Variants in CDH13 observed in about 807,000 individuals in gnomAD.
CDH13 encodes cadherin-13.
A neutral mutation model predicts 63.8 loss-of-function variants in CDH13; 24 were observed. The observed-to-expected ratio is 0.38, with a 90% confidence interval of 0.27 to 0.53. The LOEUF is 0.53. CDH13 is among the 20% of genes least tolerant of loss of function. The pLI, the probability that CDH13 is intolerant of heterozygous loss-of-function variation, is 0.85. For synonymous variants in CDH13, 503 were observed against 355.3 expected, an observed-to-expected ratio of 1.42 and a Z score of -4.67; for missense variants, 1,049 against 903.1, an observed-to-expected ratio of 1.16 and a Z score of -2.07.
At chr16:82,728,674 G>T (rs747571703) in intron 1 of CDH13, among the ~76,000 whole-genome samples, 4 of 152,074 alleles carry the variant, frequency 2.6e-5, no homozygotes, top group South Asian at 2.1e-4. Context: ...TCAGGGTGGG[G>T]GTTGCTGAAG....
At position 83,653,104 on chromosome 16, in the gene CDH13, C is replaced by T. The variant is rs1044681994; in HGVS notation, c.1102-17686C>T. 4.6e-5 allele frequency among the ~76,000 whole-genome samples: 7 copies of T among 152,188 alleles called. No individual in the cohort carries two copies. In the South Asian group the frequency reaches 1.2e-3, roughly 27 times the overall value. On this transcript the variant is annotated intron_variant, in intron 8 of 13. Transcript: ENST00000567109. ...TATGAAATGTCCAGAACAGGGAGATCTCCGGGGACAGAAAGCCAATTAGTG... is the reference window on the plus strand; with the variant it reads ...TATGAAATGTCCAGAACAGGGAGATTTCCGGGGACAGAAAGCCAATTAGTG...
chr16:82,865,276 C>A (rs571146576), intron 2 of CDH13, among the ~76,000 whole-genome samples: 8 of 152,324 alleles, frequency 5.3e-5, no homozygotes, highest in Admixed American at 3.9e-4. Flanking sequence ...AGGCTGTGCC[C>A]CAGTGGGGAC....
At chr16:83,700,621 G>A (rs569624567) in intron 10 of CDH13, among the ~76,000 whole-genome samples, 3 of 152,282 alleles carry the variant, frequency 2.0e-5, no homozygotes, top group South Asian at 4.1e-4. Flanking sequence ...CAGGTTTTGG[G>A]AATGCAATCC....
In CDH13 at chr16:83,099,511, A is replaced by T. The variant is rs370737047; in HGVS notation, c.367-25874A>T. Among the ~76,000 whole-genome samples the T allele has an allele frequency of 8.8e-4, 133 of 151,716 alleles. 1 individual carries two copies. The highest frequency in any genetic ancestry group is 2.8e-3 in the African/African-American group (118 of 41,420). On this transcript the variant is annotated intron_variant, in intron 3 of 13. Transcript: ENST00000567109. The stretch of plus-strand genomic sequence containing the variant: ...GCTAATTTTTGCATTTTTAGTAGAG[A>T]CAGGGTTTTGCCATGTTGGCCAGGC...
intron 8 of CDH13, among the ~76,000 whole-genome samples, chr16:83,603,135 C>G (rs910787068): frequency 2.0e-5 from 3 of 152,100 alleles, no homozygotes; most frequent in Non-Finnish European, 4.4e-5. Context: ...CCCATTTATT[C>G]CAAGGGAGCG....
At position 83,313,286 on chromosome 16, in the gene CDH13, T is replaced by G. The variant is rs927289274; in HGVS notation, c.637-31576T>G. ...TATTTTGAAAGGTGCATTGGTGACT[T>G]GAAATCCTTGAGAGCAGTTATCTTT... is the stretch of plus-strand genomic sequence containing the variant. On this transcript the variant is annotated intron_variant, in intron 5 of 13. Transcript: ENST00000567109. Among the ~76,000 whole-genome samples, 4 of 152,210 alleles carry G rather than the reference T, an allele frequency of 2.6e-5. No individual in the cohort carries two copies. In the South Asian group the frequency reaches 8.3e-4, roughly 32 times the overall value.
At chr16:82,698,554 C>T (rs549893656) in intron 1 of CDH13, among the ~76,000 whole-genome samples, 50 of 152,316 alleles carry the variant, frequency 3.3e-4, no homozygotes, top group Admixed American at 4.6e-4. Context: ...GTGACTTTCC[C>T]ATATTGTAGC....
At chr16:83,391,267 A>G (rs1225837981) in intron 6 of CDH13, among the ~76,000 whole-genome samples, 1 of 151,298 alleles carries the variant, frequency 6.6e-6, no homozygotes, top group Non-Finnish European at 1.5e-5. Flanking sequence ...CTGCAATAAC[A>G]TGATCTTGGC....
intron 4 of CDH13, among the ~76,000 whole-genome samples, chr16:83,193,354 T>G (rs2038782436): frequency 6.6e-6 from 1 of 152,066 alleles, no homozygotes; most frequent in African/African-American, 2.4e-5. Flanking sequence ...ACACATAGAT[T>G]AAAAAGTGGC....
At chr16:83,275,816 G>A (rs766789221) in intron 5 of CDH13, among the ~76,000 whole-genome samples, 2 of 152,104 alleles carry the variant, frequency 1.3e-5, no homozygotes, top group Non-Finnish European at 2.9e-5. Context: ...GGGCACAGTG[G>A]GTAGCGGTGC....
At chr16:83,471,649 T>A (rs12716738) in intron 6 of CDH13, among the ~76,000 whole-genome samples, 1 of 152,046 alleles carries the variant, frequency 6.6e-6, no homozygotes, top group Non-Finnish European at 1.5e-5. Context: ...GCCCCATGTG[T>A]CCAGCCTCCC....
intron 4 of CDH13, among the ~76,000 whole-genome samples, chr16:83,153,555 C>T (rs902830702): frequency 6.6e-6 from 1 of 152,192 alleles, no homozygotes; most frequent in Non-Finnish European, 1.5e-5. Flanking sequence ...AAGCTCCTCC[C>T]AAAGTTAGTT....
intron 4 of CDH13, among the ~76,000 whole-genome samples, chr16:83,154,451 C>T (rs2037122026): frequency 6.6e-6 from 1 of 151,622 alleles, no homozygotes; most frequent in South Asian, 2.1e-4. Flanking sequence ...CCTGTGGTCC[C>T]AGCTACTGTG....
chr16:83,514,855 T>C (rs2074665529), intron 7 of CDH13, among the ~76,000 whole-genome samples: 1 of 152,130 alleles, frequency 6.6e-6, no homozygotes, highest in South Asian at 2.1e-4. Context: ...GTAGATGTCT[T>C]CTTTTGTGCT....
At chr16:83,665,132 C>G (rs575449791) in intron 8 of CDH13, among the ~76,000 whole-genome samples, 2 of 151,562 alleles carry the variant, frequency 1.3e-5, no homozygotes, top group East Asian at 1.9e-4. Flanking sequence ...TGGAGCATAA[C>G]AAGAATGAGC....
At chr16:82,773,866 C>T (rs1202266856) in intron 1 of CDH13, among the ~76,000 whole-genome samples, 3 of 151,934 alleles carry the variant, frequency 2.0e-5, no homozygotes, top group Admixed American at 2.0e-4. Context: ...TCACTGCAAC[C>T]TCCGCCTCCC....
At chr16:83,504,628 G>T (rs528756153) in intron 7 of CDH13, among the ~76,000 whole-genome samples, 3 of 152,146 alleles carry the variant, frequency 2.0e-5, no homozygotes, top group South Asian at 4.1e-4. Context: ...CTCAGTGCCA[G>T]TGGGGCTGAT....
intron 1 of CDH13, among the ~76,000 whole-genome samples, chr16:82,769,108 T>A (rs2035167186): frequency 6.6e-6 from 1 of 152,216 alleles, no homozygotes; most frequent in African/African-American, 2.4e-5. Flanking sequence ...TCGATGAGTC[T>A]AACCATTTTA....
Position 82,924,032 on chromosome 16 carries a change from G to T in CDH13, c.157+65559G>T, listed in dbSNP as rs573342919. Among the ~76,000 whole-genome samples the T allele has an allele frequency of 5.3e-5, 8 of 152,306 alleles. No individual in the cohort carries two copies. The South Asian group carries it at 1.7e-3, about 32-fold the overall frequency. On this transcript the variant is annotated intron_variant, in intron 2 of 13. Coordinates refer to ENST00000567109, the MANE Select transcript of CDH13 (RefSeq NM_001257.5). ...CAAAACTTGTAAGAACTACTGATGG[G>T]TAAACAAGTCATGAATCAGTTTTTT... is the stretch of plus-strand genomic sequence containing the variant.
Sources: allele counts gnomAD v4.1 joint callset (sites outside exome capture counted in the v4.1 genomes callset), GRCh38; gene constraint gnomAD v4.1.1; transcripts MANE v1.5; gene names NCBI Gene and HGNC (gene_info 2026-07-23, HGNC 2026-07-21).